Variants in AMPH observed in about 807,000 individuals in gnomAD.
The protein encoded by AMPH is amphiphysin, also known as amphiphysin (Stiff-Mann syndrome with breast cancer 128kD autoantigen).
In AMPH, 49 loss-of-function variants were observed where a neutral mutation model predicts 99.1. That is an observed-to-expected ratio of 0.49 (90% confidence interval 0.39 to 0.63). The LOEUF (loss-of-function observed/expected upper bound fraction) is 0.63, where lower values mean the gene tolerates loss of function less well. Among genes scored for constraint, AMPH ranks in the 20% least tolerant of loss-of-function variants. The probability of loss-of-function intolerance (pLI) is 0.00; values close to 1 mark genes in which losing one functional copy is unlikely to be tolerated. For synonymous variants in AMPH, 314 were observed against 317.3 expected, an observed-to-expected ratio of 0.99 and a Z score of 0.11; for missense variants, 759 against 863.4, an observed-to-expected ratio of 0.88 and a Z score of 1.52.
chr7:38,576,181 G>A (rs1313831872), intron 1 of AMPH, among the ~76,000 whole-genome samples: 1 of 152,168 alleles, frequency 6.6e-6, no homozygotes, highest in Non-Finnish European at 1.5e-5. Context: ...AACCATCATT[G>A]CTGGAGAATT....
intron 1 of AMPH, among the ~76,000 whole-genome samples, chr7:38,608,521 C>T (rs144577861): frequency 5.8e-4 from 88 of 152,268 alleles, no homozygotes; most frequent in African/African-American, 1.9e-3. Context: ...GGTTCTGTAG[C>T]ACATCTATTA....
intron 2 of AMPH, 105 bp from the exon 3 acceptor site, chr7:38,503,809 G>A: frequency 9.0e-7 from 1 of 1,113,328 alleles, no homozygotes; most frequent in Non-Finnish European, 1.3e-6. Context: ...GCTCATTCTT[G>A]GAAAAAAACA....
At chr7:38,605,286 GT>G (rs1793394409) in intron 1 of AMPH, among the ~76,000 whole-genome samples, 1 of 152,044 alleles carries the variant, frequency 6.6e-6, no homozygotes, top group Admixed American at 6.6e-5. Context: ...GAAGAAAGGG[GT>G]TTTTAGGGGG....
intron 17 of AMPH, among the ~76,000 whole-genome samples, chr7:38,400,547 T>C (rs1784812828): frequency 6.6e-6 from 1 of 152,214 alleles, no homozygotes; most frequent in African/African-American, 2.4e-5. Flanking sequence ...TTATCAATCA[T>C]GTAAAATAGG....
chr7:38,488,565 A>C (rs1440522869), intron 5 of AMPH, among the ~76,000 whole-genome samples: 5 of 152,138 alleles, frequency 3.3e-5, no homozygotes, highest in Admixed American at 6.5e-5. Flanking sequence ...GAAATACCTA[A>C]TGCAGATGAT....
chr7:38,402,584 CT>C (rs1295181555), intron 17 of AMPH, among the ~76,000 whole-genome samples: 2 of 152,174 alleles, frequency 1.3e-5, no homozygotes, highest in Non-Finnish European at 2.9e-5. Context: ...ATAGAATCAC[CT>C]GCTCTGAATC....
chr7:38,560,094 T>C (rs1458909727), intron 1 of AMPH, among the ~76,000 whole-genome samples: 3 of 152,226 alleles, frequency 2.0e-5, no homozygotes, highest in East Asian at 3.9e-4. Flanking sequence ...CTTCAGCTCC[T>C]CCCATGAAGA....
At chr7:38,611,611 C>T (rs1793681625) in intron 1 of AMPH, among the ~76,000 whole-genome samples, 1 of 152,224 alleles carries the variant, frequency 6.6e-6, no homozygotes, top group Non-Finnish European at 1.5e-5. Context: ...TTGCGGAAGG[C>T]AGAGCCACAG....
rs192306394 is a variant in AMPH at position 38,512,842 on chromosome 7, T to C, written c.151-9138A>G. On this transcript the variant is annotated intron_variant, in intron 2 of 20. Coordinates refer to ENST00000356264, the MANE Select transcript of AMPH (RefSeq NM_001635.4). The stretch of plus-strand genomic sequence containing the variant: ...AAATAAGAATAAAGAGGTTAACAGA[T>C]AAACAAGTTAAACAAATGTAACAAG... Among the ~76,000 whole-genome samples, 749 of 152,314 alleles carry C rather than the reference T, an allele frequency of 4.9e-3. 7 individuals carry two copies. The highest frequency in any genetic ancestry group is 4.5e-3 in the Non-Finnish European group (309 of 68,024).
chr7:38,490,204 C>T (rs565183138), intron 5 of AMPH, among the ~76,000 whole-genome samples: 29 of 152,148 alleles, frequency 1.9e-4, no homozygotes, highest in Middle Eastern at 3.4e-3. Flanking sequence ...TTTTAAAACC[C>T]AATTCACACC....
chr7:38,395,296 A>G (rs1784636730), intron 17 of AMPH, among the ~76,000 whole-genome samples: 1 of 152,210 alleles, frequency 6.6e-6, no homozygotes, highest in South Asian at 2.1e-4. Context: ...TTTTGTAATC[A>G]AATATGCATG....
chr7:38,454,495 G>T (rs891885206), intron 11 of AMPH, among the ~76,000 whole-genome samples: 10 of 151,792 alleles, frequency 6.6e-5, no homozygotes, highest in Non-Finnish European at 1.2e-4. Flanking sequence ...AGTGACACTA[G>T]AGGCAGCTCT....
At chr7:38,406,727 TTTCCC>T (rs1785007916) in intron 17 of AMPH, among the ~76,000 whole-genome samples, 1 of 63,346 alleles carries the variant, frequency 1.6e-5, no homozygotes, top group African/African-American at 5.7e-5. Flanking sequence ...TCTCTCTCCC[TTTCCC>T]TCTCTCTCTC....
chr7:38,433,080 T>G (rs1226759616), intron 12 of AMPH, among the ~76,000 whole-genome samples: 1 of 152,188 alleles, frequency 6.6e-6, no homozygotes, highest in Non-Finnish European at 1.5e-5. Flanking sequence ...TGCACTTATT[T>G]TGAACTACTA....
chr7:38,498,019 T>C (rs908279059), intron 3 of AMPH, among the ~76,000 whole-genome samples: 1 of 152,220 alleles, frequency 6.6e-6, no homozygotes, highest in Admixed American at 6.5e-5. Context: ...AAATTCCTAC[T>C]GGACATCTCC....
intron 11 of AMPH, among the ~76,000 whole-genome samples, chr7:38,440,426 T>C (rs1028025959): frequency 4.6e-5 from 7 of 150,692 alleles, no homozygotes; most frequent in Admixed American, 2.6e-4. Context: ...GAAGATATCT[T>C]TCAGGCAAGG....
chr7:38,621,529 T>C (rs956122571), intron 1 of AMPH, among the ~76,000 whole-genome samples: 4 of 152,204 alleles, frequency 2.6e-5, no homozygotes, highest in Non-Finnish European at 4.4e-5. Flanking sequence ...CAACAACTTT[T>C]AGGTGCCTTG....
chr7:38,550,026 T>C (rs558891635), intron 1 of AMPH, among the ~76,000 whole-genome samples: 28 of 152,358 alleles, frequency 1.8e-4, no homozygotes, highest in Non-Finnish European at 3.5e-4. Flanking sequence ...AGAATGTTGT[T>C]GTCTGATCAA....
intron 1 of AMPH, among the ~76,000 whole-genome samples, chr7:38,623,258 T>C (rs1273036785): frequency 1.3e-5 from 2 of 152,218 alleles, no homozygotes; most frequent in Admixed American, 1.3e-4. Context: ...GTTTGGTCTA[T>C]TAAAAAAGCT....
Sources: gnomAD v4.1 joint callset for allele counts (sites outside exome capture counted in the v4.1 genomes callset) on GRCh38, gnomAD v4.1.1 for gene constraint, MANE v1.5 for transcripts, NCBI Gene and HGNC (gene_info 2026-07-23, HGNC 2026-07-21) for gene names.